Variants in GALNTL6 observed in about 807,000 individuals in gnomAD.
The protein encoded by GALNTL6 is polypeptide N-acetylgalactosaminyltransferase-like 6.
Under a neutral mutation model 73.7 loss-of-function variants are expected in GALNTL6, and 46 were observed. The ratio of observed to expected loss-of-function variants is 0.62; its 90% CI spans 0.49 to 0.80. The LOEUF (loss-of-function observed/expected upper bound fraction) is 0.80. GALNTL6 is among the 30% of genes least tolerant of loss of function. The probability of loss-of-function intolerance (pLI) is 0.00; values close to 1 mark genes in which losing one functional copy is unlikely to be tolerated. For missense variants in GALNTL6, 604 were observed against 755.0 expected, an observed-to-expected ratio of 0.80 and a Z score of 2.34; for synonymous variants, 259 against 263.7, an observed-to-expected ratio of 0.98 and a Z score of 0.17.
intron 7 of GALNTL6, among the ~76,000 whole-genome samples, chr4:172,826,158 G>A (rs1441105635): frequency 6.6e-6 from 1 of 152,030 alleles, no homozygotes; most frequent in Non-Finnish European, 1.5e-5. Flanking sequence ...GCAAATGAAG[G>A]CTCAGGTGGC....
intron 7 of GALNTL6, among the ~76,000 whole-genome samples, chr4:172,860,070 G>A (rs1744320822): frequency 6.6e-6 from 1 of 152,120 alleles, no homozygotes; most frequent in Admixed American, 6.5e-5. Flanking sequence ...CTTGACTTTG[G>A]TCTGTGGGAA....
intron 5 of GALNTL6, among the ~76,000 whole-genome samples, chr4:172,389,541 GTAA>G (rs1287832295): frequency 2.6e-5 from 4 of 152,098 alleles, no homozygotes; most frequent in Non-Finnish European, 5.9e-5. Context: ...TGTTTATGTA[GTAA>G]TTGAAATAAA....
intron 2 of GALNTL6, among the ~76,000 whole-genome samples, chr4:172,131,674 CT>C (rs1560935522): frequency 6.6e-6 from 1 of 151,676 alleles, no homozygotes; most frequent in East Asian, 1.9e-4. Flanking sequence ...CAGATTTCAT[CT>C]AGGTAGCATG....
chr4:172,669,372 A>G (rs889811245), intron 5 of GALNTL6, among the ~76,000 whole-genome samples: 1 of 152,194 alleles, frequency 6.6e-6, no homozygotes, highest in Non-Finnish European at 1.5e-5. Flanking sequence ...ATCTACCTCA[A>G]AATATATTCA....
rs563509875 is a variant in GALNTL6 at position 172,801,040 on chromosome 4, T to C, written c.554-8321T>C. 4.6e-5 allele frequency among the ~76,000 whole-genome samples: 7 copies of C among 152,238 alleles called. No homozygotes were observed. The East Asian group carries it at 1.3e-3, about 29-fold the overall frequency. On this transcript the variant is annotated intron_variant, in intron 5 of 12. Transcript: ENST00000506823. ...AATATAAAATACTTAGGAAAAAATATATAATTGAAACATCAGACAAAACCA... is the reference window on the plus strand; with the variant it reads ...AATATAAAATACTTAGGAAAAAATACATAATTGAAACATCAGACAAAACCA...
At chr4:171,968,503 A>G (rs1208911944) in intron 2 of GALNTL6, among the ~76,000 whole-genome samples, 1 of 152,108 alleles carries the variant, frequency 6.6e-6, no homozygotes, top group African/African-American at 2.4e-5. Context: ...GGCTACTTCC[A>G]TTAGATTTAG....
chr4:172,941,629 C>T (rs1293795227), intron 9 of GALNTL6, among the ~76,000 whole-genome samples: 1 of 152,184 alleles, frequency 6.6e-6, no homozygotes, highest in Non-Finnish European at 1.5e-5. Flanking sequence ...GACCATTTCC[C>T]TGTATTCACA....
intron 5 of GALNTL6, chr4:172,667,435 G>A (rs1004303522): frequency 1.3e-5 from 2 of 152,164 alleles, no homozygotes; most frequent in African/African-American, 2.4e-5. Flanking sequence ...CTCTGCTCTG[G>A]GTTTCACAAA....
chr4:172,338,129 TA>T (rs1741409651), intron 4 of GALNTL6, among the ~76,000 whole-genome samples: 1 of 152,198 alleles, frequency 6.6e-6, no homozygotes, highest in Non-Finnish European at 1.5e-5. Context: ...AAGCTCTGGT[TA>T]TTTTTTTAAG....
At chr4:172,792,603 A>C (rs1447445512) in intron 5 of GALNTL6, among the ~76,000 whole-genome samples, 1 of 151,686 alleles carries the variant, frequency 6.6e-6, no homozygotes, top group East Asian at 1.9e-4. Flanking sequence ...ATGAGATGAG[A>C]GATCAGGGCT....
chr4:172,433,307 A>G (rs965372246), intron 5 of GALNTL6, among the ~76,000 whole-genome samples: 2 of 152,020 alleles, frequency 1.3e-5, no homozygotes, highest in African/African-American at 2.4e-5. Flanking sequence ...TAAAGGGTAA[A>G]TTGCCAAAAG....
chr4:172,983,830 A>C (rs752311584), intron 10 of GALNTL6, among the ~76,000 whole-genome samples: 3 of 152,202 alleles, frequency 2.0e-5, no homozygotes, highest in Admixed American at 2.0e-4. Context: ...GATTAGCATT[A>C]CAAATGGAGG....
intron 5 of GALNTL6, among the ~76,000 whole-genome samples, chr4:172,636,125 C>T (rs549632261): frequency 1.3e-5 from 2 of 152,088 alleles, no homozygotes; most frequent in Non-Finnish European, 2.9e-5. Context: ...CTCTACCATA[C>T]AACTTTATGA....
intron 2 of GALNTL6, among the ~76,000 whole-genome samples, chr4:172,086,830 AT>A (rs1335053243): frequency 2.0e-5 from 3 of 152,134 alleles, no homozygotes; most frequent in Admixed American, 6.5e-5. Flanking sequence ...TCCCTTTCCT[AT>A]TTACTTAACA....
chr4:172,234,937 G>A (rs1737190779), intron 3 of GALNTL6, among the ~76,000 whole-genome samples: 2 of 152,038 alleles, frequency 1.3e-5, no homozygotes, highest in South Asian at 2.1e-4. Context: ...TTTTCTTGGA[G>A]CATAGATTTT....
At chr4:171,989,517 C>G in intron 2 of GALNTL6, among the ~76,000 whole-genome samples, 1 of 152,220 alleles carries the variant, frequency 6.6e-6, no homozygotes, top group Non-Finnish European at 1.5e-5. Flanking sequence ...AGAGGAGGTT[C>G]TGGAGGAACC....
chr4:172,280,523 A>T (rs1322362369), intron 3 of GALNTL6, among the ~76,000 whole-genome samples: 1 of 151,956 alleles, frequency 6.6e-6, no homozygotes, highest in African/African-American at 2.4e-5. Context: ...GAGCAGTCAC[A>T]TCTAGACCTT....
chr4:172,365,642 G>T (rs954676749), intron 5 of GALNTL6, among the ~76,000 whole-genome samples: 1 of 151,274 alleles, frequency 6.6e-6, no homozygotes, highest in African/African-American at 2.4e-5. Context: ...GCCTTGCCTT[G>T]CTTATCTCCA....
intron 5 of GALNTL6, among the ~76,000 whole-genome samples, chr4:172,747,597 A>G (rs1737180303): frequency 6.6e-6 from 1 of 152,080 alleles, no homozygotes; most frequent in South Asian, 2.1e-4. Flanking sequence ...ATTTTGAAAA[A>G]CATTATGGAA....
Sources: allele counts gnomAD v4.1 joint callset (sites outside exome capture counted in the v4.1 genomes callset), GRCh38; gene constraint gnomAD v4.1.1; transcripts MANE v1.5; gene names NCBI Gene and HGNC (gene_info 2026-07-23, HGNC 2026-07-21).